The following MCTP1 variants were observed in gnomAD, a reference collection of about 807,000 sequenced individuals.
MCTP1 encodes the protein multiple C2 and transmembrane domain-containing protein 1.
In MCTP1, 69 loss-of-function variants were observed where a neutral mutation model predicts 120.6. The ratio of observed to expected loss-of-function variants is 0.57; its 90% CI spans 0.47 to 0.70. The LOEUF (loss-of-function observed/expected upper bound fraction) is 0.70. Ranked by LOEUF, MCTP1 falls within the 30% of genes least tolerant of loss-of-function variation. The pLI, the probability that MCTP1 is intolerant of heterozygous loss-of-function variation, is 0.00. For synonymous variants in MCTP1, 529 were observed against 493.1 expected, an observed-to-expected ratio of 1.07 and a Z score of -0.96; for missense variants, 1,203 against 1,248.8, an observed-to-expected ratio of 0.96 and a Z score of 0.55.
intron 1 of MCTP1, among the ~76,000 whole-genome samples, chr5:95,264,244 T>G (rs901228727): frequency 6.6e-6 from 1 of 152,238 alleles, no homozygotes. Context: ...ATCAATGTGA[T>G]AGCCTTTAGG....
At chr5:95,123,408 T>C (rs2152412056) in intron 1 of MCTP1, among the ~76,000 whole-genome samples, 1 of 152,296 alleles carries the variant, frequency 6.6e-6, no homozygotes, top group South Asian at 2.1e-4. Context: ...TGCAGGCCTC[T>C]CCTTAAATAA....
chr5:95,099,043 T>C (rs1369278553), intron 1 of MCTP1, among the ~76,000 whole-genome samples: 4 of 150,934 alleles, frequency 2.7e-5, no homozygotes, highest in Non-Finnish European at 4.5e-5. Flanking sequence ...ATTTAATAAA[T>C]GGTGCTGGGA....
intron 19 of MCTP1, among the ~76,000 whole-genome samples, chr5:94,766,651 C>T (rs255377): frequency 0.25 from 37,455 of 150,966 alleles, 5,156 homozygotes; most frequent in East Asian, 0.33. Context: ...TGCACATGTA[C>T]CCTAGAACTT....
chr5:95,004,454 A>T (rs1194659951), intron 2 of MCTP1, among the ~76,000 whole-genome samples: 1 of 152,212 alleles, frequency 6.6e-6, no homozygotes, highest in Non-Finnish European at 1.5e-5. Flanking sequence ...AAATACCTCC[A>T]AGGCATTTCA....
At chr5:95,273,734 C>G (rs1759590199) in intron 1 of MCTP1, among the ~76,000 whole-genome samples, 1 of 152,190 alleles carries the variant, frequency 6.6e-6, no homozygotes, top group Admixed American at 6.5e-5. Context: ...GCCTGGCACC[C>G]TCAGCCATTC....
intron 17 of MCTP1, among the ~76,000 whole-genome samples, chr5:94,800,691 C>T (rs1046645594): frequency 9.9e-5 from 15 of 152,084 alleles, no homozygotes; most frequent in Admixed American, 5.2e-4. Context: ...CTGTACCATC[C>T]GTTTTTTCAA....
In MCTP1 at chr5:95,059,383, C is replaced by T. The variant is rs1019046650; in HGVS notation, c.721-41899G>A. 5.3e-5 allele frequency among the ~76,000 whole-genome samples: 8 copies of T among 151,914 alleles called. No individual in the cohort carries two copies. In the South Asian group the frequency reaches 8.3e-4, roughly 16 times the overall value. ...TGTGGGTACTCAGTGACATAAAGAT[C>T]GTAGCAGCAATAGAAACGGGACTAC... On this transcript the variant is annotated intron_variant, in intron 1 of 22. Coordinates refer to ENST00000515393, the MANE Select transcript of MCTP1 (RefSeq NM_024717.7).
At chr5:94,768,268 G>T (rs1773260812) in intron 19 of MCTP1, among the ~76,000 whole-genome samples, 1 of 152,110 alleles carries the variant, frequency 6.6e-6, no homozygotes, top group Admixed American at 6.5e-5. Context: ...ATGGATTAAA[G>T]ATTTAAATGT....
intron 1 of MCTP1, among the ~76,000 whole-genome samples, chr5:95,234,111 G>C (rs1273827261): frequency 1.3e-5 from 2 of 152,014 alleles, no homozygotes; most frequent in Non-Finnish European, 2.9e-5. Context: ...TTGCAGTTAG[G>C]GTTTTCTGAG....
At chr5:94,714,069 T>A (rs1033553699) in intron 20 of MCTP1, among the ~76,000 whole-genome samples, 1 of 152,174 alleles carries the variant, frequency 6.6e-6, no homozygotes, top group African/African-American at 2.4e-5. Flanking sequence ...TAACTGATAA[T>A]TGCTGTAAAT....
intron 20 of MCTP1, among the ~76,000 whole-genome samples, chr5:94,713,130 G>A (rs906845709): frequency 6.6e-5 from 10 of 152,104 alleles, no homozygotes; most frequent in African/African-American, 2.2e-4. Context: ...TAAGTATAGA[G>A]CCCTTTCATT....
intron 1 of MCTP1, among the ~76,000 whole-genome samples, chr5:95,060,840 T>C (rs1399703293): frequency 1.3e-5 from 2 of 150,856 alleles, no homozygotes; most frequent in Non-Finnish European, 2.9e-5. Context: ...AGCGTGGTGG[T>C]GCACACCTGT....
At chr5:95,004,514 G>C (rs7714447) in intron 2 of MCTP1, among the ~76,000 whole-genome samples, 3,672 of 152,286 alleles carry the variant, frequency 0.024, 128 homozygotes, top group African/African-American at 0.08. Context: ...GCCTAGGAGA[G>C]AAAAATGGTT....
At chr5:94,889,472 C>A (rs1375707326) in intron 11 of MCTP1, among the ~76,000 whole-genome samples, 1 of 151,978 alleles carries the variant, frequency 6.6e-6, no homozygotes, top group Non-Finnish European at 1.5e-5. Context: ...CACCTGTAAT[C>A]CCAGCTACTC....
At chr5:94,868,584 C>T in intron 16 of MCTP1, 132 bp from the exon 17 acceptor site, 1 of 547,920 alleles carries the variant, frequency 1.8e-6, no homozygotes, top group African/African-American at 1.9e-5. Flanking sequence ...AAATACCAAA[C>T]AATTTGGCTC....
At chr5:95,022,034 C>A (rs1422356774) in intron 1 of MCTP1, among the ~76,000 whole-genome samples, 1 of 152,122 alleles carries the variant, frequency 6.6e-6, no homozygotes, top group Non-Finnish European at 1.5e-5. Flanking sequence ...ATTGAATCAT[C>A]TTCATATTTC....
chr5:95,055,860 AAAC>A (rs1253180595), intron 1 of MCTP1, among the ~76,000 whole-genome samples: 1 of 152,320 alleles, frequency 6.6e-6, no homozygotes, highest in East Asian at 1.9e-4. Context: ...AAAAATATTA[AAAC>A]AATACCTGGC....
At chr5:95,196,364 G>A (rs1020843951) in intron 1 of MCTP1, among the ~76,000 whole-genome samples, 8 of 152,114 alleles carry the variant, frequency 5.3e-5, no homozygotes, top group East Asian at 1.9e-4. Flanking sequence ...CCAATTTACA[G>A]AAAAGGAAAC....
intron 1 of MCTP1, among the ~76,000 whole-genome samples, chr5:95,035,015 A>G (rs1172266894): frequency 6.6e-6 from 1 of 152,176 alleles, no homozygotes. Flanking sequence ...TAAAATCACA[A>G]TAAGATGCCA....
Sources: gnomAD v4.1 joint callset for allele counts (sites outside exome capture counted in the v4.1 genomes callset) on GRCh38, gnomAD v4.1.1 for gene constraint, MANE v1.5 for transcripts, NCBI Gene and HGNC (gene_info 2026-07-23, HGNC 2026-07-21) for gene names.